SORBS2: variants seen among roughly 807,000 people sequenced by gnomAD.
SORBS2 encodes sorbin and SH3 domain containing 2, also known as sorbin and SH3 domain-containing protein 2.
Under a neutral mutation model 97.7 loss-of-function variants are expected in SORBS2, and 46 were observed. That is an observed-to-expected ratio of 0.47 (90% CI 0.37 to 0.60). SORBS2 has a LOEUF of 0.60. Among genes scored for constraint, SORBS2 ranks in the 20% least tolerant of loss-of-function variants. The probability of loss-of-function intolerance (pLI) is 0.00; values close to 1 mark genes in which losing one functional copy is unlikely to be tolerated. For missense variants in SORBS2, 1,316 were observed against 1,282.3 expected, an observed-to-expected ratio of 1.03 and a Z score of -0.40; for synonymous variants, 476 against 473.4, an observed-to-expected ratio of 1.01 and a Z score of -0.07.
chr4:185,949,883 C>T (rs2099276352), intron 1 of SORBS2, among the ~76,000 whole-genome samples: 1 of 152,134 alleles, frequency 6.6e-6, no homozygotes, highest in African/African-American at 2.4e-5. Context: ...CAGCAGCTCA[C>T]CATAATAACT....
rs576919133 is a variant in SORBS2 at position 185,589,933 on chromosome 4, AT to A, written c.2847-149del. 3.2e-4 allele frequency: 190 copies of A among 596,606 alleles called. 2 individuals are homozygous for A. In the East Asian group the frequency reaches 5.4e-3, roughly 17 times the overall value. The allele number at this position is 596,606 out of a possible 1,614,324, so 37.0% of individuals were successfully genotyped here. On this transcript the variant is annotated intron_variant, in intron 13 of 14. Transcript: ENST00000418609. ...CAAGCCTGGTAAGCATGTAAATAGC[AT>A]TCTATTGGATGGTACAAGCCTGGTA...
chr4:185,622,870 TGGG>T, intron 7 of SORBS2, 41 bp downstream of exon 19: 1 of 1,519,284 alleles, frequency 6.6e-7, no homozygotes, highest in South Asian at 1.3e-5. Context: ...AGCTGGAGGG[TGGG>T]TCTCTGAACC....
chr4:185,901,565 C>T (rs561582271), intron 1 of SORBS2, among the ~76,000 whole-genome samples: 1 of 152,094 alleles, frequency 6.6e-6, no homozygotes, highest in Non-Finnish European at 1.5e-5. Flanking sequence ...TATCAAGGGG[C>T]TGTTTGGGGG....
At chr4:185,673,736 G>C (rs2097755167) in intron 4 of SORBS2, among the ~76,000 whole-genome samples, 1 of 152,162 alleles carries the variant, frequency 6.6e-6, no homozygotes, top group South Asian at 2.1e-4. Context: ...TCTTGAAACA[G>C]CTGACTGCCC....
chr4:185,736,300 A>T (rs2098687333), intron 2 of SORBS2, among the ~76,000 whole-genome samples: 1 of 152,258 alleles, frequency 6.6e-6, no homozygotes, highest in African/African-American at 2.4e-5. Flanking sequence ...AAAATAAAAA[A>T]GTGTGCTTTG....
chr4:185,652,719 G>A, exon 2 of SORBS2: 3 of 1,613,834 alleles, frequency 1.9e-6, no homozygotes, highest in Non-Finnish European at 1.7e-6. Context: ...TCCTTGGGCC[G>A]GTCGACTGTC....
chr4:185,933,422 T>C (rs1445711434), intron 1 of SORBS2: 1 of 152,086 alleles, frequency 6.6e-6, no homozygotes, highest in Admixed American at 6.6e-5. Context: ...AAACATCCTG[T>C]GAGAAATGCA....
intron 2 of SORBS2, among the ~76,000 whole-genome samples, chr4:185,739,288 G>T (rs2098707828): frequency 6.6e-6 from 1 of 152,122 alleles, no homozygotes; most frequent in South Asian, 2.1e-4. Flanking sequence ...CAAAACACAG[G>T]CTTGAAAAAG....
At chr4:185,773,292 G>A (rs565360285) in intron 2 of SORBS2, 1 of 152,346 alleles carries the variant, frequency 6.6e-6, no homozygotes, top group East Asian at 1.9e-4. Flanking sequence ...AAAATAACGG[G>A]AGGATTTAAA....
intron 1 of SORBS2, among the ~76,000 whole-genome samples, chr4:185,928,106 AG>A (rs1383094126): frequency 2.2e-5 from 3 of 133,952 alleles, no homozygotes; most frequent in Non-Finnish European, 3.5e-5. Context: ...GAAGAAGCAT[AG>A]AAAAAAAAAT....
In SORBS2 at chr4:185,889,447, T is replaced by A. The variant is rs1006965617; in HGVS notation, c.-338+66749A>T. Among the ~76,000 whole-genome samples, 11 of 152,306 alleles carry A rather than the reference T, an allele frequency of 7.2e-5. No homozygotes were observed. The South Asian group carries it at 2.1e-3, about 29-fold the overall frequency. Reference sequence around the variant, plus strand: ...GGTCTCCGTGTTCACCTCTGCTATTTTTTTTCAAATTCATTAGTGATTTCA... The same window carrying A: ...GGTCTCCGTGTTCACCTCTGCTATTATTTTTCAAATTCATTAGTGATTTCA... On this transcript the variant is annotated intron_variant, in intron 1 of 20. Transcript: ENST00000284776.
At chr4:185,630,473 T>C in intron 5 of SORBS2, 76 bp downstream of exon 17, 1 of 892,244 alleles carries the variant, frequency 1.1e-6, no homozygotes, top group South Asian at 1.7e-5. Flanking sequence ...TCATTACTAC[T>C]TCACTGAATA....
chr4:185,792,491 C>T (rs552005188), intron 1 of SORBS2, among the ~76,000 whole-genome samples: 21 of 140,772 alleles, frequency 1.5e-4, no homozygotes, highest in Admixed American at 1.2e-3. Flanking sequence ...GCGACTCCAT[C>T]GAAAAGAAAA....
intron 1 of SORBS2, among the ~76,000 whole-genome samples, chr4:185,794,776 G>A (rs1211379393): frequency 6.6e-6 from 1 of 152,078 alleles, no homozygotes; most frequent in Non-Finnish European, 1.5e-5. Flanking sequence ...CTGAGGTCCT[G>A]GGTGTGTGAC....
intron 1 of SORBS2, among the ~76,000 whole-genome samples, chr4:185,933,854 A>C (rs74380128): frequency 0.048 from 7,278 of 152,254 alleles, 338 homozygotes; most frequent in East Asian, 0.17. Flanking sequence ...CATTTCAGTG[A>C]AAGTAGGCCA....
At chr4:185,614,835 C>A in exon 11 of SORBS2, 1 of 1,614,022 alleles carries the variant, frequency 6.2e-7, no homozygotes. Flanking sequence ...GGCTACCTTT[C>A]TCAGTGACAG....
At chr4:185,643,002 A>G (rs1392909693) in intron 4 of SORBS2, among the ~76,000 whole-genome samples, 1 of 152,260 alleles carries the variant, frequency 6.6e-6, no homozygotes, top group Non-Finnish European at 1.5e-5. Flanking sequence ...TCACTTAGAA[A>G]TTCCACGAAT....
chr4:185,614,159 G>GTTT (rs34929054), intron 11 of SORBS2, among the ~76,000 whole-genome samples: 1,070 of 91,668 alleles, frequency 0.012, 11 homozygotes, highest in East Asian at 0.043. Flanking sequence ...GTTTTTTTGT[G>GTTT]TTTTTTTTTT....
intron 2 of SORBS2, among the ~76,000 whole-genome samples, chr4:185,763,090 G>A (rs950878052): frequency 3.9e-5 from 6 of 152,202 alleles, no homozygotes; most frequent in Non-Finnish European, 7.3e-5. Flanking sequence ...TCAGGAGGCT[G>A]AGGCAGGAGA....
Sources: gnomAD v4.1 joint callset for allele counts (sites outside exome capture counted in the v4.1 genomes callset) on GRCh38, gnomAD v4.1.1 for gene constraint, MANE v1.5 for transcripts, NCBI Gene and HGNC (gene_info 2026-07-23, HGNC 2026-07-21) for gene names.